Variants in DFFB observed in about 807,000 individuals in gnomAD.
DFFB encodes the protein DNA fragmentation factor subunit beta, also known as DNA fragmentation factor 40 kDa subunit.
In DFFB, 29 loss-of-function variants were observed where a neutral mutation model predicts 32.7. The observed-to-expected ratio is 0.89, with a 90% CI of 0.66 to 1.21. The LOEUF is 1.21. Among genes scored for constraint, DFFB ranks in the 50% most tolerant of loss-of-function variants. The probability of loss-of-function intolerance (pLI) is 0.00; values close to 1 mark genes in which losing one functional copy is unlikely to be tolerated. For synonymous variants in DFFB, 170 were observed against 177.1 expected (o/e 0.96, Z 0.32); for missense variants, 398 against 440.6 (o/e 0.90, Z 0.87).
At chr1:3,862,509 C>G (rs1644896682) in intron 2 of DFFB, among the ~76,000 whole-genome samples, 1 of 152,160 alleles carries the variant, frequency 6.6e-6, no homozygotes, top group Non-Finnish European at 1.5e-5. Flanking sequence ...GGTACAAGGA[C>G]AGATATATAG....
intron 6 of DFFB, among the ~76,000 whole-genome samples, chr1:3,876,239 C>T (rs535167559): frequency 6.6e-6 from 1 of 152,336 alleles, no homozygotes; most frequent in African/African-American, 2.4e-5. Flanking sequence ...TTTCTCCCCG[C>T]CATCCAAATG....
rs776134398 is a variant in DFFB at position 3,857,711 on chromosome 1, C to T, written c.108C>T (p.Arg36=). Residue 36 remains arginine, a synonymous_variant, in exon 1 of 7, where the codon CGC becomes CGT. Transcript: ENST00000378209. The part of the protein sequence containing the change: ...CQEVLRKGCL[R]FQLPERGSRL... ...AGGTGCTGCGCAAGGGCTGTCTCCG[C>T]TTCCAGGTGCCCGCTGGGCTAGGCG... 1.3e-6 allele frequency: 2 copies of T among 1,534,978 alleles called. No homozygotes were observed. Among genetic ancestry groups the T allele is most frequent in the Non-Finnish European group, 1.8e-6 (2 of 1,139,426 alleles).
At chr1:3,881,997 T>C (rs756687747) in intron 6 of DFFB, among the ~76,000 whole-genome samples, 3 of 152,022 alleles carry the variant, frequency 2.0e-5, no homozygotes, top group Non-Finnish European at 2.9e-5. Context: ...ACCCCACTTG[T>C]TACTGCACAG....
intron 1 of DFFB, among the ~76,000 whole-genome samples, 162 bp downstream of exon 1, chr1:3,857,879 T>C: frequency 6.6e-6 from 1 of 152,046 alleles, no homozygotes; most frequent in African/African-American, 2.4e-5. Flanking sequence ...CAGCCTGGGG[T>C]TCCTGAGCGT....
chr1:3,857,808 C>T (rs935601552), intron 1 of DFFB, 91 bp downstream of exon 1: 24 of 959,420 alleles, frequency 2.5e-5, no homozygotes, highest in Non-Finnish European at 3.2e-5. Flanking sequence ...ACGGAGGGTG[C>T]AGGCGGCGCC....
At position 3,865,781 on chromosome 1, in the gene DFFB, C is replaced by A; in HGVS notation, c.242-31C>A. Reference sequence around the variant, plus strand: ...GGGCAGGATGTGTCTTCTGCTGGACCGGCACCTTTTGTTTGTCCCATTGGT... The same window carrying A: ...GGGCAGGATGTGTCTTCTGCTGGACAGGCACCTTTTGTTTGTCCCATTGGT... On this transcript the variant is annotated intron_variant, in intron 2 of 6. Coordinates refer to ENST00000378209, the MANE Select transcript of DFFB (RefSeq NM_004402.4). This position sits in a 1 kb window ranked among gnomAD's most constrained non-coding sequence, Gnocchi z 4.7. 3 of 1,614,026 alleles carry A rather than the reference C, an allele frequency of 1.9e-6. No individual in the cohort carries two copies. Among genetic ancestry groups the A allele is most frequent in the Non-Finnish European group, 2.5e-6 (3 of 1,180,028 alleles).
intron 6 of DFFB, among the ~76,000 whole-genome samples, chr1:3,882,491 G>A (rs1645360324): frequency 6.6e-6 from 1 of 150,800 alleles, no homozygotes; most frequent in African/African-American, 2.4e-5. Context: ...CAGCCTCCTG[G>A]GCAGCTGGGA....
At chr1:3,872,701 T>C in intron 6 of DFFB, 129 bp downstream of exon 6, 1 of 804,002 alleles carries the variant, frequency 1.2e-6, no homozygotes, top group Non-Finnish European at 2.0e-6. Flanking sequence ...CTCCTTGGGT[T>C]TCAAGGGCTG....
In DFFB at chr1:3,858,735, C is replaced by T; in HGVS notation, c.132C>T (p.Ser44=). The T allele has an allele frequency of 1.2e-6, 2 of 1,614,118 alleles. No individual in the cohort carries two copies. The highest frequency in any genetic ancestry group is 1.3e-5 in the African/African-American group (1 of 75,056). The change falls in exon 2 of 7, where the codon TCC becomes TCT. Residue 44 remains serine (S), a synonymous_variant. Transcript: ENST00000378209. ...CCCTGCAGCTCCCTGAGCGCGGTTCCCGGCTGTGCCTGTACGAGGATGGCA... is the reference window on the plus strand; with the variant it reads ...CCCTGCAGCTCCCTGAGCGCGGTTCTCGGCTGTGCCTGTACGAGGATGGCA... The part of the protein sequence containing the change: ...CLRFQLPERG[S]RLCLYEDGTE...
In DFFB at chr1:3,883,676, C is replaced by A; in HGVS notation, c.952C>A (p.Pro318Thr). The change falls in exon 7 of 7, where the codon CCA becomes ACA. Residue 318 changes from proline (P) to threonine (T), a missense_variant. Pro to Thr is a conservative substitution (Grantham distance 38). Transcript: ENST00000378209. Reference sequence around the variant, plus strand: ...AACCACCCACAAGCTCAACTGTGACCCAAGCAGAATCTACAAACCCCAGAC... The same window carrying A: ...AACCACCCACAAGCTCAACTGTGACACAAGCAGAATCTACAAACCCCAGAC... ...KKTTHKLNCD[P>T]SRIYKPQTRL... is the part of the protein sequence containing the mutation. The A allele has an allele frequency of 6.2e-7, 1 of 1,614,060 alleles. No individual in the cohort carries two copies. Among genetic ancestry groups the A allele is most frequent in the South Asian group, 1.1e-5 (1 of 91,078 alleles).
intron 5 of DFFB, among the ~76,000 whole-genome samples, chr1:3,872,097 C>G (rs369030118): frequency 3.3e-5 from 5 of 152,338 alleles, no homozygotes; most frequent in African/African-American, 1.2e-4. Context: ...CAAAGCATGT[C>G]ACTCGGTGAC....
chr1:3,870,142 C>T (rs5013484), intron 5 of DFFB, among the ~76,000 whole-genome samples: 56,350 of 152,150 alleles, frequency 0.37, 11,912 homozygotes, highest in Non-Finnish European at 0.49. Context: ...AGATCAGGTC[C>T]GCACTCCCCC....
At chr1:3,878,154 C>CTT (rs60515976) in intron 6 of DFFB, among the ~76,000 whole-genome samples, 3,929 of 141,730 alleles carry the variant, frequency 0.028, 113 homozygotes, top group East Asian at 0.14. Context: ...CAGTGAATAT[C>CTT]TTTTTTTTTT....
intron 6 of DFFB, among the ~76,000 whole-genome samples, chr1:3,875,004 G>A (rs74752626): frequency 0.025 from 3,781 of 152,098 alleles, 114 homozygotes; most frequent in East Asian, 0.15. Flanking sequence ...TTTACCACAC[G>A]CGTGTGGGTT....
intron 6 of DFFB, among the ~76,000 whole-genome samples, chr1:3,877,815 A>G (rs1162257737): frequency 1.3e-5 from 2 of 152,060 alleles, no homozygotes; most frequent in Admixed American, 1.3e-4. Context: ...CATAACACTC[A>G]GCACCTCAGT....
rs200251035 is a variant in DFFB, at chr1:3,883,004, C to CT, written c.783-487dup. On this transcript the variant is annotated intron_variant, in intron 6 of 6. Transcript: ENST00000378209. ...CAGTATTCTGAACAGTGACACGAGTCTTTTTTTTTTTTTTTTGAGATGGTG... is the reference window on the plus strand; with the variant it reads ...CAGTATTCTGAACAGTGACACGAGTCTTTTTTTTTTTTTTTTTGAGATGGTG... Among the ~76,000 whole-genome samples, 148 of 140,258 alleles carry CT rather than the reference C, an allele frequency of 1.1e-3. 3 individuals carry two copies. Among genetic ancestry groups the CT allele is most frequent in the South Asian group, 6.8e-3 (30 of 4,406 alleles). The allele number at this position is 140,258 out of a possible 152,430, so 92.0% of individuals were successfully genotyped here. A position where few individuals can be genotyped will look rare whatever the true frequency, so the allele number is the denominator to read the frequency against.
In DFFB at chr1:3,858,708, G is replaced by A; in HGVS notation, c.115-10G>A. 2 of 1,613,018 alleles carry A rather than the reference G, an allele frequency of 1.2e-6. No individual in the cohort carries two copies. The highest frequency in any genetic ancestry group is 8.5e-7 in the Non-Finnish European group (1 of 1,179,554). On this transcript the variant is annotated splice_polypyrimidine_tract_variant and intron_variant, in intron 1 of 6. Transcript: ENST00000378209. The stretch of plus-strand genomic sequence containing the variant: ...CCTTCCTCCTCCTGTTGCTTCTCCC[G>A]TCCCTGCAGCTCCCTGAGCGCGGTT...
At chr1:3,867,938 C>T in intron 3 of DFFB, 36 bp from the exon 4 acceptor site, 3 of 1,607,602 alleles carry the variant, frequency 1.9e-6, no homozygotes, top group South Asian at 1.1e-5. Flanking sequence ...CCTGGCCTGC[C>T]CTGTGGACTT....
At position 3,867,997 on chromosome 1, in the gene DFFB, A is replaced by T. The variant is rs755958810; in HGVS notation, c.454A>T (p.Lys152Ter). 19 of 1,613,998 alleles carry T rather than the reference A, an allele frequency of 1.2e-5. No homozygotes were observed. The highest frequency in any genetic ancestry group is 1.5e-5 in the Non-Finnish European group (18 of 1,180,024). Residue 152 changes from lysine (K) to a stop codon, truncating the protein, a stop_gained, in exon 4 of 7, where the codon AAG becomes TAG. Coordinates refer to ENST00000378209, the MANE Select transcript of DFFB (RefSeq NM_004402.4). LOFTEE classifies it high-confidence loss of function. ...FEGLESRFQS[K>*]SGYLRYSCES... is the part of the protein sequence containing the mutation. ...AGGCTTGGAGTCCCGATTTCAGAGCAAGTCTGGCTATCTGAGATACAGCTG... is the reference window on the plus strand; with the variant it reads ...AGGCTTGGAGTCCCGATTTCAGAGCTAGTCTGGCTATCTGAGATACAGCTG...
Sources: allele counts gnomAD v4.1 joint callset (sites outside exome capture counted in the v4.1 genomes callset), GRCh38; gene constraint gnomAD v4.1.1; non-coding constraint Gnocchi (gnomAD v3.1); transcripts MANE v1.5; gene names NCBI Gene and HGNC (gene_info 2026-07-23, HGNC 2026-07-21).